DISC1: variants seen among roughly 807,000 people sequenced by gnomAD.
DISC1 encodes DISC1 scaffold protein.
In DISC1, 57 loss-of-function variants were observed where a neutral mutation model predicts 84.5. That is an observed-to-expected ratio of 0.67 (90% CI 0.55 to 0.84). The LOEUF (loss-of-function observed/expected upper bound fraction) is 0.84, where lower values mean the gene tolerates loss of function less well. DISC1 is among the 40% of genes least tolerant of loss of function. DISC1 has a pLI of 0.00. For synonymous variants in DISC1, 411 were observed against 415.2 expected, an observed-to-expected ratio of 0.99 and a Z score of 0.12; for missense variants, 1,000 against 1,057.8, an observed-to-expected ratio of 0.95 and a Z score of 0.76.
chr1:231,655,889 G>T (rs1384213998), intron 1 of DISC1, among the ~76,000 whole-genome samples: 1 of 152,088 alleles, frequency 6.6e-6, no homozygotes, highest in African/African-American at 2.4e-5. Flanking sequence ...TTGGCCATTT[G>T]TATATGTTAT....
chr1:231,670,593 A>G (rs1428974774), intron 1 of DISC1: 1 of 152,172 alleles, frequency 6.6e-6, no homozygotes, highest in Non-Finnish European at 1.5e-5. Context: ...TTATATTGTT[A>G]TTTTATGTCA....
rs542338323 is a variant in DISC1 at position 231,749,484 on chromosome 1, CTG to C, written c.1118-439_1118-438del. ...AACATCATTTCTATGGCTTTAGTAA[CTG>C]TGACTGGCTCTATCTGGATGTGCAA... is the stretch of plus-strand genomic sequence containing the variant. On this transcript the variant is annotated intron_variant, in intron 3 of 12. Transcript: ENST00000439617. Among the ~76,000 whole-genome samples the C allele has an allele frequency of 2.0e-3, 309 of 152,250 alleles. 1 individual carries two copies. Among genetic ancestry groups the C allele is most frequent in the African/African-American group, 7.2e-3 (300 of 41,534 alleles).
intron 10 of DISC1, among the ~76,000 whole-genome samples, chr1:231,989,355 T>C (rs763673820): frequency 5.3e-5 from 8 of 152,216 alleles, no homozygotes; most frequent in Non-Finnish European, 1.0e-4. Flanking sequence ...TCTTTGGTGA[T>C]GGCATAAAGA....
intron 11 of DISC1, among the ~76,000 whole-genome samples, chr1:232,021,452 G>A (rs199875580): frequency 3.9e-5 from 6 of 152,154 alleles, no homozygotes; most frequent in Non-Finnish European, 5.9e-5. Context: ...TTACTGACCA[G>A]TGGCAGTGGT....
chr1:231,820,653 A>G (rs565709823), intron 9 of DISC1, among the ~76,000 whole-genome samples: 5 of 152,276 alleles, frequency 3.3e-5, no homozygotes, highest in Admixed American at 2.6e-4. Context: ...ATTCAGTCCA[A>G]CCTGGCTGAC....
In DISC1 at chr1:231,954,172, A is replaced by G. The variant is rs1207281727; in HGVS notation, c.1982-4656A>G. On this transcript the variant is annotated intron_variant, in intron 9 of 12. Transcript: ENST00000439617. This position sits in a 1 kb window ranked among gnomAD's most constrained non-coding sequence, Gnocchi z 4.8. ...TTTTGGATTATTGGTTATGATGAATATTTATGGAAAATGTTGCTGTGCACT... is the reference window on the plus strand; with the variant it reads ...TTTTGGATTATTGGTTATGATGAATGTTTATGGAAAATGTTGCTGTGCACT... Among the ~76,000 whole-genome samples, 2 of 152,056 alleles carry G rather than the reference A, an allele frequency of 1.3e-5. No individual in the cohort carries two copies. Among genetic ancestry groups the G allele is most frequent in the East Asian group, 1.9e-4 (1 of 5,188 alleles).
intron 10 of DISC1, among the ~76,000 whole-genome samples, chr1:231,979,288 G>A (rs925739837): frequency 2.6e-5 from 4 of 151,876 alleles, no homozygotes; most frequent in African/African-American, 4.8e-5. Context: ...CACAATAAAT[G>A]TAATGCGTTT....
At chr1:231,759,115 C>T (rs556223952) in intron 4 of DISC1, among the ~76,000 whole-genome samples, 1 of 152,290 alleles carries the variant, frequency 6.6e-6, no homozygotes, top group South Asian at 2.1e-4. Context: ...GAGATGGGAA[C>T]AGAGAAGATG....
chr1:231,885,182 G>A (rs936515523), intron 9 of DISC1, among the ~76,000 whole-genome samples: 1 of 152,168 alleles, frequency 6.6e-6, no homozygotes, highest in Non-Finnish European at 1.5e-5. Context: ...TAGAGATTTT[G>A]TCCTGAAACA....
intron 3 of DISC1, among the ~76,000 whole-genome samples, chr1:231,744,788 A>G (rs1025898419): frequency 2.6e-5 from 4 of 151,318 alleles, no homozygotes; most frequent in Non-Finnish European, 4.4e-5. Context: ...TGGGTGATCT[A>G]TCTATCTATT....
In DISC1 at chr1:231,789,932, C is replaced by T. The variant is rs140343657; in HGVS notation, c.1635-5310C>T. On this transcript the variant is annotated intron_variant, in intron 6 of 12. Coordinates refer to ENST00000439617, the MANE Select transcript of DISC1 (RefSeq NM_018662.3). Reference sequence around the variant, plus strand: ...AAATAATAATTTTAAAATCATAATCCGTAATCATTTTTAAAAATGATTTTT... The same window carrying T: ...AAATAATAATTTTAAAATCATAATCTGTAATCATTTTTAAAAATGATTTTT... Among the ~76,000 whole-genome samples, 169 of 151,952 alleles carry T rather than the reference C, an allele frequency of 1.1e-3. 1 individual carries two copies. Among genetic ancestry groups the T allele is most frequent in the African/African-American group, 2.1e-3 (85 of 41,442 alleles).
intron 3 of DISC1, among the ~76,000 whole-genome samples, chr1:231,746,795 T>A (rs1024688461): frequency 3.3e-5 from 5 of 152,234 alleles, no homozygotes; most frequent in African/African-American, 1.2e-4. Flanking sequence ...TGCCCATTTT[T>A]AAATTAGATT....
intron 9 of DISC1, among the ~76,000 whole-genome samples, chr1:231,848,712 C>T (rs747702544): frequency 1.3e-4 from 20 of 152,198 alleles, no homozygotes; most frequent in Non-Finnish European, 2.5e-4. Flanking sequence ...CAGCCAGTTA[C>T]TTAACCTCAG....
intron 12 of DISC1, among the ~76,000 whole-genome samples, chr1:232,030,916 C>T (rs1669954989): frequency 6.6e-6 from 1 of 152,042 alleles, no homozygotes; most frequent in Admixed American, 6.6e-5. Flanking sequence ...AGTTTGAGAC[C>T]AGCCTAGGCA....
intron 2 of DISC1, among the ~76,000 whole-genome samples, chr1:231,696,084 A>G (rs910933313): frequency 6.6e-6 from 1 of 152,078 alleles, no homozygotes; most frequent in African/African-American, 2.4e-5. Context: ...AATGCATAGA[A>G]TCTATCCAGT....
At chr1:231,901,228 G>T (rs556711017) in intron 9 of DISC1, among the ~76,000 whole-genome samples, 1 of 152,120 alleles carries the variant, frequency 6.6e-6, no homozygotes, top group Non-Finnish European at 1.5e-5. Context: ...TCAGAGAAAC[G>T]TCAATTTCAG....
intron 10 of DISC1, among the ~76,000 whole-genome samples, chr1:231,971,123 G>GT (rs1558794799): frequency 6.6e-6 from 1 of 152,250 alleles, no homozygotes; most frequent in East Asian, 1.9e-4. Context: ...ATCTTAGATG[G>GT]TTTTTTTAAA....
intron 9 of DISC1, among the ~76,000 whole-genome samples, chr1:231,840,696 G>GT (rs776980827): frequency 0.053 from 7,679 of 145,730 alleles, 336 homozygotes; most frequent in African/African-American, 0.13. Context: ...GTTTTTATTT[G>GT]TTTTTTTTTT....
At chr1:231,821,714 C>CT (rs200487656) in intron 9 of DISC1, among the ~76,000 whole-genome samples, 40,029 of 137,126 alleles carry the variant, frequency 0.29, 6,226 homozygotes, top group East Asian at 0.42. Flanking sequence ...GCTACATCTG[C>CT]TTTTTTTTTT....
Sources: allele counts gnomAD v4.1 joint callset (sites outside exome capture counted in the v4.1 genomes callset), GRCh38; gene constraint gnomAD v4.1.1; non-coding constraint Gnocchi (gnomAD v3.1); transcripts MANE v1.5; gene names NCBI Gene and HGNC (gene_info 2026-07-23, HGNC 2026-07-21).